The following AOPEP variants were observed in gnomAD, a reference collection of about 807,000 sequenced individuals.
AOPEP encodes the protein aminopeptidase O (putative).
Under a neutral mutation model 98.1 loss-of-function variants are expected in AOPEP, and 77 were observed. That is an observed-to-expected ratio of 0.78 (90% CI 0.65 to 0.95). The LOEUF is 0.95. Among genes scored for constraint, AOPEP ranks in the 40% least tolerant of loss-of-function variants. The probability of loss-of-function intolerance (pLI) is 0.00; values close to 1 mark genes in which losing one functional copy is unlikely to be tolerated. For missense variants in AOPEP, 1,024 were observed against 1,024.7 expected (o/e 1.00, Z 0.01); for synonymous variants, 346 against 365.3 (o/e 0.95, Z 0.60).
intron 13 of AOPEP, chr9:95,006,251 A>G (rs577834581): frequency 5.8e-6 from 2 of 346,286 alleles, no homozygotes; most frequent in African/African-American, 4.3e-5. Context: ...ACTTGCGGAA[A>G]ACTCGTAAAA....
At chr9:94,754,172 T>C (rs984836707) in intron 1 of AOPEP, among the ~76,000 whole-genome samples, 2 of 152,256 alleles carry the variant, frequency 1.3e-5, no homozygotes, top group South Asian at 4.1e-4. Flanking sequence ...TAAGTTTCCT[T>C]CTAATTCTGA....
At chr9:94,923,266 A>C (rs1234194652) in intron 5 of AOPEP, among the ~76,000 whole-genome samples, 2 of 152,170 alleles carry the variant, frequency 1.3e-5, no homozygotes, top group Non-Finnish European at 2.9e-5. Context: ...ATGAGATTAG[A>C]TAAATCTCCC....
At chr9:94,826,211 T>C (rs930795323) in intron 5 of AOPEP, among the ~76,000 whole-genome samples, 2 of 152,214 alleles carry the variant, frequency 1.3e-5, no homozygotes, top group Non-Finnish European at 2.9e-5. Context: ...GGCAAAGCTG[T>C]TTCGTCCGCG....
At chr9:95,007,034 T>C (rs2062081626) in intron 13 of AOPEP, among the ~76,000 whole-genome samples, 1 of 151,734 alleles carries the variant, frequency 6.6e-6, no homozygotes. Flanking sequence ...CCCGAATAGC[T>C]GGAACTACAG....
At chr9:94,890,869 G>A (rs2048802932) in intron 5 of AOPEP, among the ~76,000 whole-genome samples, 1 of 152,062 alleles carries the variant, frequency 6.6e-6, no homozygotes, top group African/African-American at 2.4e-5. Context: ...TGTGACTCAG[G>A]GCCTGTTGTG....
At chr9:94,781,807 G>C (rs1258377095) in intron 3 of AOPEP, among the ~76,000 whole-genome samples, 1 of 150,994 alleles carries the variant, frequency 6.6e-6, no homozygotes, top group African/African-American at 2.4e-5. Flanking sequence ...TGATCCGCCC[G>C]CCTTGGCCTC....
chr9:94,877,674 G>A (rs1212944924), intron 5 of AOPEP, among the ~76,000 whole-genome samples: 1 of 152,030 alleles, frequency 6.6e-6, no homozygotes, highest in East Asian at 1.9e-4. Flanking sequence ...GCCCACCTTG[G>A]CCTCCTAAAG....
intron 13 of AOPEP, among the ~76,000 whole-genome samples, chr9:95,029,495 C>G (rs552980803): frequency 6.6e-6 from 1 of 152,176 alleles, no homozygotes; most frequent in East Asian, 1.9e-4. Flanking sequence ...TGCGTGTCAC[C>G]CTCCTGGGCC....
intron 13 of AOPEP, among the ~76,000 whole-genome samples, chr9:95,014,995 A>G (rs2062860814): frequency 6.6e-6 from 1 of 152,222 alleles, no homozygotes; most frequent in Non-Finnish European, 1.5e-5. Context: ...AACACACAGC[A>G]TATCAAAGAT....
At chr9:94,909,366 A>AAC (rs1663849816) in intron 5 of AOPEP, among the ~76,000 whole-genome samples, 1 of 151,634 alleles carries the variant, frequency 6.6e-6, no homozygotes, top group Non-Finnish European at 1.5e-5. Context: ...AAAAAAAAAA[A>AAC]AAAGAATGAG....
intron 7 of AOPEP, among the ~76,000 whole-genome samples, chr9:94,942,658 T>C (rs2057133451): frequency 6.6e-6 from 1 of 152,180 alleles, no homozygotes; most frequent in African/African-American, 2.4e-5. Flanking sequence ...CATAATCTTA[T>C]GTGGAGTAAA....
chr9:94,922,146 A>C (rs1012368335), intron 5 of AOPEP, among the ~76,000 whole-genome samples: 3 of 152,232 alleles, frequency 2.0e-5, no homozygotes, highest in Non-Finnish European at 4.4e-5. Context: ...GCTTTTGTGC[A>C]TTCCTTCAGG....
intron 2 of AOPEP, among the ~76,000 whole-genome samples, chr9:94,765,439 A>AAAT (rs370305424): frequency 0.087 from 10,790 of 123,704 alleles, 689 homozygotes; most frequent in African/African-American, 0.18. Context: ...TTCTCTACAA[A>AAAT]AATAATAATA....
chr9:94,908,693 C>A (rs986611375), intron 5 of AOPEP, among the ~76,000 whole-genome samples: 7 of 152,088 alleles, frequency 4.6e-5, no homozygotes, highest in Non-Finnish European at 1.0e-4. Context: ...CTCCCATAAA[C>A]CCCCAGGAAG....
chr9:94,855,348 G>C (rs1484464746), intron 5 of AOPEP, among the ~76,000 whole-genome samples: 1 of 152,180 alleles, frequency 6.6e-6, no homozygotes, highest in Non-Finnish European at 1.5e-5. Flanking sequence ...AAATTGCTGG[G>C]ATTACAAGTG....
intron 13 of AOPEP, among the ~76,000 whole-genome samples, chr9:95,042,278 C>G (rs964111061): frequency 4.0e-5 from 6 of 151,762 alleles, no homozygotes; most frequent in African/African-American, 1.2e-4. Context: ...CGCCACTGCA[C>G]TCCAGCCTGG....
At chr9:94,931,793 T>C (rs2055356427) in intron 7 of AOPEP, 1 of 1,548,896 alleles carries the variant, frequency 6.5e-7, no homozygotes. Flanking sequence ...GACCACTCTG[T>C]CCTAAAAACG....
At chr9:94,785,541 T>C (rs1439887838) in intron 3 of AOPEP, among the ~76,000 whole-genome samples, 1 of 152,184 alleles carries the variant, frequency 6.6e-6, no homozygotes, top group East Asian at 1.9e-4. Flanking sequence ...CTTTACAGAA[T>C]CTGCCCAGAA....
intron 5 of AOPEP, among the ~76,000 whole-genome samples, chr9:94,844,862 T>G (rs1253648234): frequency 6.6e-6 from 1 of 152,058 alleles, no homozygotes; most frequent in South Asian, 2.1e-4. Flanking sequence ...GGTGGGATGG[T>G]ATGGTACCTG....
Sources: gnomAD v4.1 joint callset for allele counts (sites outside exome capture counted in the v4.1 genomes callset) on GRCh38, gnomAD v4.1.1 for gene constraint, MANE v1.5 for transcripts, NCBI Gene and HGNC (gene_info 2026-07-23, HGNC 2026-07-21) for gene names.